Variants in DENND1B observed in about 807,000 individuals in gnomAD.
DENND1B encodes DENN domain-containing protein 1B.
DENND1B carries 59 observed loss-of-function variants against 90.1 expected under a neutral mutation model. The observed-to-expected ratio is 0.65, with a 90% CI of 0.53 to 0.81. The LOEUF (loss-of-function observed/expected upper bound fraction) is 0.81. Among genes scored for constraint, DENND1B ranks in the 40% least tolerant of loss-of-function variants. The pLI is 0.00. For missense variants in DENND1B, 862 were observed against 912.6 expected (o/e 0.94, Z 0.71); for synonymous variants, 337 against 324.6 (o/e 1.04, Z -0.41).
chr1:197,663,343 T>C (rs1454392825), intron 5 of DENND1B, among the ~76,000 whole-genome samples: 3 of 152,132 alleles, frequency 2.0e-5, no homozygotes, highest in African/African-American at 4.8e-5. Context: ...GTACATATCA[T>C]TCATTTTTTA....
In DENND1B at chr1:197,775,125, G is replaced by C; in HGVS notation, c.17+14C>G. 7.8e-7 allele frequency: 1 copy of C among 1,281,398 alleles called. No individual in the cohort carries two copies. The highest frequency in any genetic ancestry group is 2.8e-5 in the South Asian group (1 of 36,050). The allele number at this position is 1,281,398 out of a possible 1,614,324, so 79.4% of individuals were successfully genotyped here. On this transcript the variant is annotated intron_variant, in intron 1 of 22. Transcript: ENST00000620048. ...GGACGCCCGCCCCCGACGCGCCCGGGCCCCCCCACTCACTTGGTCCTGCAG... is the reference window on the plus strand; with the variant it reads ...GGACGCCCGCCCCCGACGCGCCCGGCCCCCCCCACTCACTTGGTCCTGCAG...
intron 2 of DENND1B, among the ~76,000 whole-genome samples, chr1:197,756,513 T>A (rs1181422471): frequency 7.1e-6 from 1 of 140,238 alleles, no homozygotes; most frequent in African/African-American, 2.7e-5. Flanking sequence ...GAGGCAGCAG[T>A]TGCAGTGAGC....
chr1:197,574,783 C>T (rs374302989), intron 15 of DENND1B, among the ~76,000 whole-genome samples: 3 of 152,058 alleles, frequency 2.0e-5, no homozygotes, highest in Non-Finnish European at 4.4e-5. Context: ...TCAGAAATAA[C>T]ACCACACAAC....
intron 5 of DENND1B, among the ~76,000 whole-genome samples, chr1:197,661,496 A>T (rs1269988048): frequency 6.6e-6 from 1 of 152,078 alleles, no homozygotes; most frequent in Non-Finnish European, 1.5e-5. Flanking sequence ...ATGAGACCTA[A>T]TCTATTCAAA....
chr1:197,553,308 C>T (rs1471098089), intron 15 of DENND1B, among the ~76,000 whole-genome samples, 196 bp from the exon 16 acceptor site: 1 of 152,078 alleles, frequency 6.6e-6, no homozygotes, highest in East Asian at 1.9e-4. Flanking sequence ...AACAGGTGCT[C>T]AGTAGACAGC....
intron 2 of DENND1B, chr1:197,735,425 A>T: frequency 7.0e-7 from 1 of 1,436,714 alleles, no homozygotes; most frequent in African/African-American, 1.4e-5. Flanking sequence ...TTAAAAAAAA[A>T]TACTCTGAAG....
At chr1:197,578,398 C>G (rs764405761) in intron 15 of DENND1B, among the ~76,000 whole-genome samples, 4 of 152,048 alleles carry the variant, frequency 2.6e-5, no homozygotes, top group Non-Finnish European at 5.9e-5. Flanking sequence ...GCGTGTGACA[C>G]CTTGCCTGGC....
intron 10 of DENND1B, among the ~76,000 whole-genome samples, chr1:197,623,512 T>C (rs1383688219): frequency 1.3e-5 from 2 of 151,592 alleles, no homozygotes; most frequent in Admixed American, 1.3e-4. Context: ...GTGAGACTTA[T>C]AAGAAAATGT....
intron 2 of DENND1B, among the ~76,000 whole-genome samples, chr1:197,731,220 T>C (rs1013580962): frequency 6.6e-6 from 1 of 152,090 alleles, no homozygotes; most frequent in Admixed American, 6.6e-5. Flanking sequence ...ATTATGTCCT[T>C]TGGAACAACA....
At chr1:197,511,573 T>C (rs1228589082) in intron 22 of DENND1B, among the ~76,000 whole-genome samples, 155 bp downstream of exon 22, 1 of 151,726 alleles carries the variant, frequency 6.6e-6, no homozygotes, top group Non-Finnish European at 1.5e-5. Flanking sequence ...TAGAAATAAT[T>C]TCTAGTGATT....
At chr1:197,612,145 T>C (rs1323208856) in intron 11 of DENND1B, among the ~76,000 whole-genome samples, 169 bp from the exon 12 acceptor site, 1 of 150,700 alleles carries the variant, frequency 6.6e-6, no homozygotes, top group African/African-American at 2.4e-5. Context: ...AATTTAATCT[T>C]AGAGGCCATT....
intron 6 of DENND1B, among the ~76,000 whole-genome samples, chr1:197,653,006 A>G (rs1653406450): frequency 6.6e-6 from 1 of 152,030 alleles, no homozygotes; most frequent in African/African-American, 2.4e-5. Context: ...TATTGGAAAG[A>G]ATAAATCAAA....
chr1:197,749,421 T>C (rs1653153768), intron 2 of DENND1B, among the ~76,000 whole-genome samples: 1 of 151,564 alleles, frequency 6.6e-6, no homozygotes, highest in South Asian at 2.1e-4. Context: ...AAAAAAGATA[T>C]CACATAGATA....
At chr1:197,529,714 G>A (rs1669484257) in intron 20 of DENND1B, among the ~76,000 whole-genome samples, 1 of 152,020 alleles carries the variant, frequency 6.6e-6, no homozygotes, top group South Asian at 2.1e-4. Context: ...GAAAATGTTA[G>A]TAAATGTTTA....
chr1:197,538,820 T>G (rs527395491), intron 20 of DENND1B, among the ~76,000 whole-genome samples: 2 of 152,088 alleles, frequency 1.3e-5, no homozygotes, highest in East Asian at 3.9e-4. Context: ...AAGTGGGACT[T>G]TTAAGAGGTG....
At chr1:197,615,967 T>C (rs1055034972) in intron 11 of DENND1B, among the ~76,000 whole-genome samples, 1 of 150,866 alleles carries the variant, frequency 6.6e-6, no homozygotes, top group Non-Finnish European at 1.5e-5. Flanking sequence ...GTAGAAACGA[T>C]TAGAAAAGAT....
intron 14 of DENND1B, among the ~76,000 whole-genome samples, chr1:197,594,714 T>C (rs1240912037): frequency 1.3e-5 from 2 of 152,118 alleles, no homozygotes; most frequent in Non-Finnish European, 2.9e-5. Context: ...AGCTAAGATA[T>C]GCTAAAGAGA....
intron 3 of DENND1B, among the ~76,000 whole-genome samples, chr1:197,708,085 G>A (rs1327300569): frequency 2.9e-5 from 4 of 136,912 alleles, no homozygotes; most frequent in African/African-American, 1.1e-4. Flanking sequence ...CTACGCCCAC[G>A]GAATCGCGCT....
chr1:197,621,344 C>G (rs1678143121), intron 10 of DENND1B, among the ~76,000 whole-genome samples: 1 of 150,366 alleles, frequency 6.7e-6, no homozygotes, highest in Admixed American at 6.6e-5. Flanking sequence ...GGCAAAGACT[C>G]TAAATATTAT....
Sources: allele counts gnomAD v4.1 joint callset (sites outside exome capture counted in the v4.1 genomes callset), GRCh38; gene constraint gnomAD v4.1.1; transcripts MANE v1.5; gene names NCBI Gene and HGNC (gene_info 2026-07-23, HGNC 2026-07-21).